The following OLFM3 variants were observed in gnomAD, a reference collection of about 807,000 sequenced individuals.
OLFM3 encodes the protein olfactomedin 3.
A neutral mutation model predicts 48.6 loss-of-function variants in OLFM3; 20 were observed. That is an observed-to-expected ratio of 0.41 (90% confidence interval 0.29 to 0.60). OLFM3 has a LOEUF of 0.60. Among genes scored for constraint, OLFM3 ranks in the 20% least tolerant of loss-of-function variants. The probability of loss-of-function intolerance (pLI) is 0.28; values close to 1 mark genes in which losing one functional copy is unlikely to be tolerated. For missense variants in OLFM3, 437 were observed against 544.3 expected, an observed-to-expected ratio of 0.80 and a Z score of 1.96; for synonymous variants, 222 against 198.1, an observed-to-expected ratio of 1.12 and a Z score of -1.01.
intron 1 of OLFM3, among the ~76,000 whole-genome samples, chr1:101,864,743 G>A (rs1656792352): frequency 6.6e-6 from 1 of 152,106 alleles, no homozygotes; most frequent in Admixed American, 6.5e-5. Flanking sequence ...TGAGGCTGGG[G>A]TCCTCTGAAC....
chr1:101,990,520 T>C (rs1279509276), intron 1 of OLFM3, among the ~76,000 whole-genome samples: 1 of 152,188 alleles, frequency 6.6e-6, no homozygotes, highest in African/African-American at 2.4e-5. Context: ...TATTTCATTG[T>C]TATGAAAACT....
intron 1 of OLFM3, among the ~76,000 whole-genome samples, chr1:101,966,317 T>TTGTGTGTGTGTGTGTGTGTG (rs60173488): frequency 1.6e-5 from 2 of 128,062 alleles, no homozygotes; most frequent in Non-Finnish European, 3.3e-5. Context: ...CCTGGCTAAT[T>TTGTGTGTGTGTGTGTGTGTG]TGTGTGTGTG....
chr1:101,854,326 C>T (rs929440865), intron 1 of OLFM3, among the ~76,000 whole-genome samples: 11 of 151,958 alleles, frequency 7.2e-5, no homozygotes, highest in Non-Finnish European at 7.4e-5. Flanking sequence ...AAAGTACTCA[C>T]TAATGAAAGA....
At chr1:101,852,518 A>G (rs888463646) in intron 1 of OLFM3, among the ~76,000 whole-genome samples, 1 of 151,954 alleles carries the variant, frequency 6.6e-6, no homozygotes, top group African/African-American at 2.4e-5. Flanking sequence ...ATTCTTCCTC[A>G]TCTATATGCT....
At chr1:101,871,812 T>A (rs1348531672) in intron 1 of OLFM3, among the ~76,000 whole-genome samples, 2 of 152,052 alleles carry the variant, frequency 1.3e-5, no homozygotes, top group African/African-American at 2.4e-5. Flanking sequence ...GAAAATACAC[T>A]GAAACTAGAA....
At chr1:101,947,260 G>T (rs960339418) in intron 1 of OLFM3, among the ~76,000 whole-genome samples, 2 of 152,122 alleles carry the variant, frequency 1.3e-5, no homozygotes, top group Admixed American at 6.5e-5. Context: ...TTCACTCTAT[G>T]ATTTGAATTT....
At chr1:101,834,066 A>G (rs919590210) in intron 2 of OLFM3, among the ~76,000 whole-genome samples, 2 of 152,232 alleles carry the variant, frequency 1.3e-5, no homozygotes, top group Non-Finnish European at 2.9e-5. Context: ...AAGACCTGAA[A>G]TACTGTGAAA....
At chr1:101,876,572 C>A (rs572439697) in intron 1 of OLFM3, among the ~76,000 whole-genome samples, 1 of 151,916 alleles carries the variant, frequency 6.6e-6, no homozygotes, top group South Asian at 2.1e-4. Flanking sequence ...AGAATAAAAA[C>A]AAATTTAAGC....
At chr1:101,882,234 T>G (rs1317921001) in intron 1 of OLFM3, among the ~76,000 whole-genome samples, 3 of 150,078 alleles carry the variant, frequency 2.0e-5, no homozygotes. Flanking sequence ...CAATCAAATT[T>G]TCAAAAATGT....
intron 1 of OLFM3, among the ~76,000 whole-genome samples, chr1:101,874,369 T>C (rs1449592504): frequency 6.6e-6 from 1 of 151,866 alleles, no homozygotes; most frequent in African/African-American, 2.4e-5. Flanking sequence ...GCTAAAGCTA[T>C]CCATGTCAAG....
rs534530948 is a variant in OLFM3 at position 101,934,615 on chromosome 1, A to C, written c.69+62133T>G. The stretch of plus-strand genomic sequence containing the variant: ...AGAACCTGAACTTGACACTTGACCA[A>C]ATAGGCTTAACAGACATCTACAGAC... On this transcript the variant is annotated intron_variant, in intron 1 of 5. Transcript: ENST00000370103. 7.2e-4 allele frequency among the ~76,000 whole-genome samples: 109 copies of C among 152,282 alleles called. 2 individuals carry two copies. In the South Asian group the frequency reaches 0.022, roughly 30 times the overall value.
At chr1:101,992,494 C>T (rs1237104788) in intron 1 of OLFM3, among the ~76,000 whole-genome samples, 5 of 152,068 alleles carry the variant, frequency 3.3e-5, no homozygotes, top group African/African-American at 9.7e-5. Flanking sequence ...TGTCATCAAT[C>T]CATATTTTCT....
intron 1 of OLFM3, among the ~76,000 whole-genome samples, chr1:101,933,271 T>C (rs1659512422): frequency 8.0e-6 from 1 of 125,664 alleles, no homozygotes; most frequent in Admixed American, 7.9e-5. Flanking sequence ...AGAAACAAAC[T>C]AGTCTGATAG....
chr1:101,879,643 C>T (rs986940853), intron 1 of OLFM3, among the ~76,000 whole-genome samples: 2 of 151,566 alleles, frequency 1.3e-5, no homozygotes, highest in African/African-American at 4.8e-5. Context: ...TATATAGAAG[C>T]CTAGATTTAG....
intron 4 of OLFM3, among the ~76,000 whole-genome samples, chr1:101,814,742 A>G (rs1402600951): frequency 6.6e-6 from 1 of 152,196 alleles, no homozygotes. Flanking sequence ...CTAACCTCTC[A>G]GTGTTTCATG....
At chr1:101,903,526 ATGT>A (rs1211443966) in intron 1 of OLFM3, among the ~76,000 whole-genome samples, 3 of 152,086 alleles carry the variant, frequency 2.0e-5, no homozygotes, top group Non-Finnish European at 2.9e-5. Flanking sequence ...TCCGTGCATG[ATGT>A]TAACTGTTGA....
At chr1:101,867,775 T>C (rs1656913510) in intron 1 of OLFM3, among the ~76,000 whole-genome samples, 1 of 152,228 alleles carries the variant, frequency 6.6e-6, no homozygotes, top group African/African-American at 2.4e-5. Flanking sequence ...AAAGTCAGCA[T>C]GAGGGTTATG....
chr1:101,836,782 A>G, intron 2 of OLFM3, 97 bp downstream of exon 2: 1 of 1,303,474 alleles, frequency 7.7e-7, no homozygotes, highest in East Asian at 2.3e-5. Context: ...ACAAAAATCA[A>G]AAGAATCCTC....
intron 1 of OLFM3, among the ~76,000 whole-genome samples, chr1:101,959,827 G>C (rs1386185503): frequency 6.6e-6 from 1 of 152,146 alleles, no homozygotes; most frequent in Non-Finnish European, 1.5e-5. Flanking sequence ...AAACTCACAA[G>C]AAAGTGGCAT....
Sources: gnomAD v4.1 joint callset for allele counts (sites outside exome capture counted in the v4.1 genomes callset) on GRCh38, gnomAD v4.1.1 for gene constraint, MANE v1.5 for transcripts, NCBI Gene and HGNC (gene_info 2026-07-23, HGNC 2026-07-21) for gene names.